The following COP1 variants were observed in gnomAD, a reference collection of about 807,000 sequenced individuals.
The protein encoded by COP1 is COP1 E3 ubiquitin ligase, also known as E3 ubiquitin-protein ligase COP1.
A neutral mutation model predicts 101.3 loss-of-function variants in COP1; 24 were observed. That is an observed-to-expected ratio of 0.24 (90% CI 0.17 to 0.33). The LOEUF (loss-of-function observed/expected upper bound fraction) is 0.33, where lower values mean the gene tolerates loss of function less well. Among genes scored for constraint, COP1 ranks in the 10% least tolerant of loss-of-function variants. The pLI is 1.00. For missense variants in COP1, 663 were observed against 906.2 expected (o/e 0.73, Z 3.45); for synonymous variants, 347 against 341.9 (o/e 1.01, Z -0.17).
At chr1:176,008,117 C>T (rs1663849112) in intron 15 of COP1, among the ~76,000 whole-genome samples, 1 of 152,028 alleles carries the variant, frequency 6.6e-6, no homozygotes, top group Non-Finnish European at 1.5e-5. Context: ...CCAGGTGCGT[C>T]CGTCACCCCT....
chr1:176,057,549 C>A (rs1208484430), intron 11 of COP1, among the ~76,000 whole-genome samples: 1 of 152,210 alleles, frequency 6.6e-6, no homozygotes, highest in Non-Finnish European at 1.5e-5. Flanking sequence ...GTTGGCCGGG[C>A]TGGTCTCCAG....
chr1:176,068,080 A>G (rs1359780079), intron 11 of COP1, among the ~76,000 whole-genome samples: 3 of 152,216 alleles, frequency 2.0e-5, no homozygotes, highest in Admixed American at 6.5e-5. Flanking sequence ...CGGGTACAGG[A>G]GGTATATGGG....
rs113566316 is a variant in COP1, at chr1:176,064,268, T to C, written c.1277+16884A>G. Among the ~76,000 whole-genome samples the C allele has an allele frequency of 5.7e-3, 869 of 152,232 alleles. 11 individuals are homozygous for C. Among genetic ancestry groups the C allele is most frequent in the African/African-American group, 0.02 (844 of 41,544 alleles). ...AAAAACTGAAAAATTGCCAAAAAAT[T>C]TGTCATATTTCATTTACATAAATAA... On this transcript the variant is annotated intron_variant, in intron 11 of 19. Transcript: ENST00000367669.
chr1:176,186,798 T>C (rs1375793347), intron 1 of COP1, among the ~76,000 whole-genome samples: 4 of 152,056 alleles, frequency 2.6e-5, no homozygotes, highest in Non-Finnish European at 4.4e-5. Context: ...GTGGTAGTAG[T>C]TGGGTTGATG....
intron 11 of COP1, among the ~76,000 whole-genome samples, chr1:176,063,012 A>T (rs1205124048): frequency 6.6e-6 from 1 of 151,200 alleles, no homozygotes; most frequent in African/African-American, 2.4e-5. Context: ...GGGTGGAATT[A>T]ACTGCAAGTG....
At chr1:175,960,474 A>C (rs1157621484) in intron 18 of COP1, among the ~76,000 whole-genome samples, 1 of 152,206 alleles carries the variant, frequency 6.6e-6, no homozygotes, top group African/African-American at 2.4e-5. Context: ...TAGCAGTTCA[A>C]GGAAGGCAAG....
intron 12 of COP1, among the ~76,000 whole-genome samples, chr1:176,045,686 G>A (rs1671402892): frequency 6.6e-6 from 1 of 151,282 alleles, no homozygotes; most frequent in Non-Finnish European, 1.5e-5. Context: ...GAGTATTTTA[G>A]GTTTGAAAAG....
intron 3 of COP1, among the ~76,000 whole-genome samples, chr1:176,173,341 A>AC (rs1282400777): frequency 9.3e-5 from 14 of 151,136 alleles, no homozygotes; most frequent in African/African-American, 2.2e-4. Context: ...AAAAAAAAAA[A>AC]AAACCAGTAA....
intron 14 of COP1, among the ~76,000 whole-genome samples, chr1:176,031,116 C>T (rs1475854966): frequency 6.6e-6 from 1 of 152,122 alleles, no homozygotes; most frequent in Non-Finnish European, 1.5e-5. Flanking sequence ...GCCCTGCCAA[C>T]AATCTAATTT....
intron 11 of COP1, among the ~76,000 whole-genome samples, chr1:176,075,174 T>G (rs1307599549): frequency 2.0e-5 from 3 of 152,170 alleles, no homozygotes; most frequent in Non-Finnish European, 2.9e-5. Flanking sequence ...TGTAATAAAA[T>G]GCACCCCATA....
At chr1:176,028,850 T>C (rs1037141426) in intron 14 of COP1, among the ~76,000 whole-genome samples, 9 of 151,266 alleles carry the variant, frequency 5.9e-5, no homozygotes, top group African/African-American at 2.2e-4. Context: ...CTCTACCTCC[T>C]AGGCTCAGGT....
intron 6 of COP1, among the ~76,000 whole-genome samples, chr1:176,145,357 G>A (rs1395966643): frequency 6.8e-6 from 1 of 148,034 alleles, no homozygotes; most frequent in Non-Finnish European, 1.5e-5. Flanking sequence ...TCACATACTG[G>A]CAAGAACACA....
intron 9 of COP1, among the ~76,000 whole-genome samples, chr1:176,103,350 G>C (rs952554706): frequency 3.3e-5 from 5 of 152,112 alleles, no homozygotes; most frequent in African/African-American, 1.2e-4. Context: ...CCAGGAAGCG[G>C]GTGAGGCCTG....
intron 15 of COP1, among the ~76,000 whole-genome samples, chr1:175,998,082 A>G (rs1273915821): frequency 3.5e-5 from 5 of 144,678 alleles, no homozygotes; most frequent in East Asian, 2.0e-4. Context: ...AAAAAAAAAA[A>G]AAAAAAAAGA....
intron 15 of COP1, among the ~76,000 whole-genome samples, chr1:175,993,692 G>C (rs1659308540): frequency 1.3e-5 from 2 of 152,206 alleles, no homozygotes; most frequent in African/African-American, 2.4e-5. Context: ...GAAGTTTAGA[G>C]AAAAAAGAAT....
At chr1:176,001,542 G>A (rs1661602313) in intron 15 of COP1, among the ~76,000 whole-genome samples, 1 of 152,082 alleles carries the variant, frequency 6.6e-6, no homozygotes, top group South Asian at 2.1e-4. Context: ...TCGTGGCAAA[G>A]TTATCTCAGG....
intron 3 of COP1, among the ~76,000 whole-genome samples, chr1:176,172,048 CTTTA>C (rs1696155890): frequency 6.6e-6 from 1 of 151,972 alleles, no homozygotes; most frequent in East Asian, 1.9e-4. Context: ...TTTTTTAAAA[CTTTA>C]TTTAATTATT....
intron 9 of COP1, among the ~76,000 whole-genome samples, chr1:176,104,632 T>G (rs1365876402): frequency 6.6e-6 from 1 of 152,138 alleles, no homozygotes; most frequent in East Asian, 1.9e-4. Context: ...TGGCAAAAAT[T>G]AAAAACTATG....
At chr1:176,047,935 C>A (rs981236663) in intron 11 of COP1, among the ~76,000 whole-genome samples, 9 of 151,948 alleles carry the variant, frequency 5.9e-5, no homozygotes, top group African/African-American at 2.2e-4. Flanking sequence ...ATTAGTGAGG[C>A]ATAGTGATGG....
Sources: gnomAD v4.1 joint callset for allele counts (sites outside exome capture counted in the v4.1 genomes callset) on GRCh38, gnomAD v4.1.1 for gene constraint, MANE v1.5 for transcripts, NCBI Gene and HGNC (gene_info 2026-07-23, HGNC 2026-07-21) for gene names.